The following NXPE2 variants were observed in gnomAD, a reference collection of about 807,000 sequenced individuals.
NXPE2 encodes the protein neurexophilin and PC-esterase domain family member 2, also known as NXPE family member 2.
In NXPE2, 34 loss-of-function variants were observed where a neutral mutation model predicts 34.4. The observed-to-expected ratio is 0.99, with a 90% CI of 0.75 to 1.31. The LOEUF (loss-of-function observed/expected upper bound fraction) is 1.31. Ranked by LOEUF, NXPE2 falls within the 40% of genes most tolerant of loss-of-function variation. The pLI is 0.00. For synonymous variants in NXPE2, 235 were observed against 231.3 expected (o/e 1.02, Z -0.15); for missense variants, 649 against 672.5 (o/e 0.97, Z 0.39).
At chr11:114,603,765 C>T in the NXPE2 span, among the ~76,000 whole-genome samples, 161 of 151,772 alleles carry the variant, frequency 1.1e-3, no homozygotes, top group African/African-American at 3.7e-3. Flanking sequence ...TCCTCGTCTC[C>T]TAGGTAACTA....
At chr11:114,602,767 ATAAT>A in the NXPE2 span, among the ~76,000 whole-genome samples, 14 of 145,038 alleles carry the variant, frequency 9.7e-5, no homozygotes, top group African/African-American at 3.5e-4. Context: ...TATCTCATAT[ATAAT>A]TACAGAATAA....
chr11:114,494,800 A>T, the NXPE2 span, among the ~76,000 whole-genome samples: 1 of 152,092 alleles, frequency 6.6e-6, no homozygotes, highest in Non-Finnish European at 1.5e-5. Flanking sequence ...TTAGGTATTT[A>T]TTGTAGTCTT....
At chr11:114,510,718 G>C in the NXPE2 span, among the ~76,000 whole-genome samples, 1 of 152,050 alleles carries the variant, frequency 6.6e-6, no homozygotes, top group African/African-American at 2.4e-5. Context: ...AGAGAGACTT[G>C]GCACATTGTC....
At chr11:114,537,642 C>T in the NXPE2 span, among the ~76,000 whole-genome samples, 1 of 152,122 alleles carries the variant, frequency 6.6e-6, no homozygotes, top group African/African-American at 2.4e-5. Context: ...CAGTAACAGA[C>T]AAACAGAGAG....
the NXPE2 span, among the ~76,000 whole-genome samples, chr11:114,748,832 A>G: frequency 6.6e-6 from 1 of 152,196 alleles, no homozygotes; most frequent in Admixed American, 6.5e-5. Context: ...ATATATATCC[A>G]TTATCAAACT....
chr11:114,651,890 C>T, the NXPE2 span, among the ~76,000 whole-genome samples: 1 of 152,168 alleles, frequency 6.6e-6, no homozygotes, highest in East Asian at 1.9e-4. Context: ...GGCTTCACCT[C>T]TCAATAATAG....
chr11:114,527,744 C>T, the NXPE2 span: 2 of 736,456 alleles, frequency 2.7e-6, no homozygotes, highest in South Asian at 2.4e-5. Context: ...TAGACATCTG[C>T]TAGGAATTGT....
the NXPE2 span, among the ~76,000 whole-genome samples, chr11:114,629,746 C>T: frequency 1.9e-4 from 29 of 151,348 alleles, no homozygotes; most frequent in Admixed American, 9.2e-4. Context: ...TGTTTGCAGA[C>T]GACATGATTG....
the NXPE2 span, among the ~76,000 whole-genome samples, chr11:114,650,360 A>T: frequency 6.6e-6 from 1 of 152,216 alleles, no homozygotes; most frequent in Non-Finnish European, 1.5e-5. Context: ...AGGATGTCAC[A>T]ATCACCCATG....
At chr11:114,640,025 G>A in the NXPE2 span, among the ~76,000 whole-genome samples, 3 of 115,494 alleles carry the variant, frequency 2.6e-5, no homozygotes, top group African/African-American at 1.1e-4. Context: ...ATTTTATAAT[G>A]TAACATAATT....
At chr11:114,610,291 G>C in the NXPE2 span, among the ~76,000 whole-genome samples, 1 of 150,920 alleles carries the variant, frequency 6.6e-6, no homozygotes, top group East Asian at 2.0e-4. Flanking sequence ...TGGATAATAA[G>C]TGTTGCCTAG....
the NXPE2 span, among the ~76,000 whole-genome samples, chr11:114,624,564 G>A: frequency 6.6e-6 from 1 of 151,634 alleles, no homozygotes; most frequent in East Asian, 1.9e-4. Flanking sequence ...AATAAGTATT[G>A]CCCCGTGGGT....
chr11:114,626,608 A>G, the NXPE2 span, among the ~76,000 whole-genome samples: 3 of 152,264 alleles, frequency 2.0e-5, no homozygotes, highest in Non-Finnish European at 4.4e-5. Flanking sequence ...TCTAAAAAGC[A>G]GAGCGCCTCT....
chr11:114,753,595 A>G, the NXPE2 span, among the ~76,000 whole-genome samples: 2 of 152,330 alleles, frequency 1.3e-5, no homozygotes, highest in African/African-American at 2.4e-5. Flanking sequence ...CAAATCATTT[A>G]TTAATTTTTA....
chr11:114,540,822 A>G, the NXPE2 span, among the ~76,000 whole-genome samples: 1 of 143,152 alleles, frequency 7.0e-6, no homozygotes, highest in Non-Finnish European at 1.5e-5. Context: ...TAGCTAAAAC[A>G]CAATAGAAAG....
chr11:114,532,747 G>A, the NXPE2 span, among the ~76,000 whole-genome samples: 5 of 152,070 alleles, frequency 3.3e-5, no homozygotes, highest in African/African-American at 1.2e-4. Context: ...ACATATAAAA[G>A]TATATAGGTA....
chr11:114,732,663 T>TA, the NXPE2 span, among the ~76,000 whole-genome samples: 1 of 152,234 alleles, frequency 6.6e-6, no homozygotes, highest in African/African-American at 2.4e-5. Flanking sequence ...AATTTTTTTT[T>TA]AAATTATCTA....
the NXPE2 span, among the ~76,000 whole-genome samples, chr11:114,609,605 C>T: frequency 1.3e-3 from 190 of 151,726 alleles, no homozygotes; most frequent in African/African-American, 4.3e-3. Context: ...AGTGTTGCCT[C>T]GTGGGTAGGC....
intron 2 of NXPE2, among the ~76,000 whole-genome samples, chr11:114,686,620 T>C (rs752608320): frequency 5.9e-5 from 9 of 152,194 alleles, no homozygotes; most frequent in Admixed American, 2.0e-4. Context: ...TTATTTTCCA[T>C]TGGGTATATA....
Sources: allele counts gnomAD v4.1 joint callset (sites outside exome capture counted in the v4.1 genomes callset), GRCh38; gene constraint gnomAD v4.1.1; transcripts MANE v1.5; gene names NCBI Gene and HGNC (gene_info 2026-07-23, HGNC 2026-07-21).